Variants in TAF4B observed in about 807,000 individuals in gnomAD.
TAF4B encodes the protein transcription initiation factor TFIID subunit 4B.
In TAF4B, 38 loss-of-function variants were observed where a neutral mutation model predicts 86.4. The ratio of observed to expected loss-of-function variants is 0.44; its 90% CI spans 0.34 to 0.58. The LOEUF (loss-of-function observed/expected upper bound fraction) is 0.58, where lower values mean the gene tolerates loss of function less well. Among genes scored for constraint, TAF4B ranks in the 20% least tolerant of loss-of-function variants. The pLI is 0.02. For missense variants in TAF4B, 988 were observed against 1,027.6 expected, an observed-to-expected ratio of 0.96 and a Z score of 0.53; for synonymous variants, 388 against 391.2, an observed-to-expected ratio of 0.99 and a Z score of 0.10.
rs754509789 is a variant in TAF4B, at chr18:26,357,698, A to G, written c.2325A>G (p.Gln775=). 15 of 1,607,724 alleles carry G rather than the reference A, an allele frequency of 9.3e-6. No homozygotes were observed. The highest frequency in any genetic ancestry group is 2.7e-5 in the African/African-American group (2 of 74,746). ...TTTCTTCCGTCTTCTAGTTACAGCA[A>G]TTGGAACTTGCACAGATACAGCATA... The part of the protein sequence containing the change: ...RLKQKAKELQ[Q]LELAQIQHRD... The change falls in exon 14 of 15, where the codon CAA becomes CAG. Residue 775 remains glutamine, a synonymous_variant. Coordinates refer to ENST00000269142, the MANE Select transcript of TAF4B (RefSeq NM_005640.3).
intron 1 of TAF4B, among the ~76,000 whole-genome samples, chr18:26,238,813 C>T (rs1324665136): frequency 6.6e-6 from 1 of 152,102 alleles, no homozygotes; most frequent in African/African-American, 2.4e-5. Flanking sequence ...TTGTTCAATT[C>T]TCACCTATGA....
intron 1 of TAF4B, among the ~76,000 whole-genome samples, chr18:26,227,508 G>A (rs2055596540): frequency 6.6e-6 from 1 of 152,190 alleles, no homozygotes; most frequent in African/African-American, 2.4e-5. Context: ...AGCGTATTCG[G>A]GGGGGCTTTC....
chr18:26,319,690 A>G (rs867089929), intron 10 of TAF4B, among the ~76,000 whole-genome samples: 40 of 152,132 alleles, frequency 2.6e-4, no homozygotes, highest in Admixed American at 2.3e-3. Context: ...CCCAGGTACA[A>G]GTGATTCTCC....
intron 1 of TAF4B, among the ~76,000 whole-genome samples, chr18:26,231,414 A>G (rs1236406753): frequency 1.5e-5 from 2 of 135,944 alleles, no homozygotes; most frequent in Non-Finnish European, 3.0e-5. Flanking sequence ...GTACAGTGGC[A>G]TGATCTCAGC....
At chr18:26,360,417 C>T (rs1273524711) in intron 14 of TAF4B, among the ~76,000 whole-genome samples, 2 of 152,162 alleles carry the variant, frequency 1.3e-5, no homozygotes, top group African/African-American at 4.8e-5. Context: ...AACCCATTTT[C>T]CCTAGCCCCA....
At chr18:26,273,450 AT>A (rs1304650895) in intron 3 of TAF4B, among the ~76,000 whole-genome samples, 3 of 152,182 alleles carry the variant, frequency 2.0e-5, no homozygotes, top group South Asian at 2.1e-4. Flanking sequence ...GTTGAAAAAA[AT>A]AATAGTAAAA....
At chr18:26,290,609 T>C (rs1041869616) in intron 7 of TAF4B, among the ~76,000 whole-genome samples, 6 of 152,190 alleles carry the variant, frequency 3.9e-5, no homozygotes. Context: ...GGGATAGTTT[T>C]TGTGATTAGG....
rs771824562 is a variant in TAF4B, at chr18:26,327,093, C to G, written c.2212C>G (p.Gln738Glu). Reference protein sequence around the residue: ...FLEKLDQLEKQRKDLEEREML... With the variant: ...FLEKLDQLEKERKDLEEREML... Reference sequence around the variant, plus strand: ...TGAAAAGCTGGATCAATTGGAGAAGCAGAGAAAGGATTTGGAAGAAAGAGA... The same window carrying G: ...TGAAAAGCTGGATCAATTGGAGAAGGAGAGAAAGGATTTGGAAGAAAGAGA... Residue 738 changes from glutamine (Q) to glutamate (E), a missense_variant, in exon 12 of 15, where the codon CAG becomes GAG. Physicochemically the swap from Gln to Glu is conservative, Grantham distance 29. Transcript: ENST00000269142. 1.2e-6 allele frequency: 2 copies of G among 1,613,468 alleles called. No individual in the cohort carries two copies. Among genetic ancestry groups the G allele is most frequent in the South Asian group, 2.2e-5 (2 of 91,060 alleles).
chr18:26,291,105 T>G (rs2056587010), intron 7 of TAF4B, among the ~76,000 whole-genome samples: 1 of 152,220 alleles, frequency 6.6e-6, no homozygotes, highest in Non-Finnish European at 1.5e-5. Context: ...TTTTTTAAAG[T>G]AATACACATA....
chr18:26,298,278 G>A (rs1217337094), intron 9 of TAF4B, among the ~76,000 whole-genome samples: 1 of 151,858 alleles, frequency 6.6e-6, no homozygotes, highest in African/African-American at 2.4e-5. Flanking sequence ...TGCAAGGCTG[G>A]AGTTCAGTGG....
chr18:26,377,048 C>T (rs2057447598), intron 14 of TAF4B, among the ~76,000 whole-genome samples: 1 of 151,920 alleles, frequency 6.6e-6, no homozygotes, highest in South Asian at 2.1e-4. Flanking sequence ...TGGTGTATAG[C>T]ACTTTTTATA....
intron 13 of TAF4B, among the ~76,000 whole-genome samples, chr18:26,357,201 A>T (rs114728102): frequency 0.015 from 2,285 of 152,300 alleles, 46 homozygotes; most frequent in African/African-American, 0.052. Context: ...AGGATGATGT[A>T]TAATTTTTAT....
chr18:26,317,610 T>A (rs562518230), intron 10 of TAF4B, among the ~76,000 whole-genome samples: 70 of 152,330 alleles, frequency 4.6e-4, no homozygotes, highest in Admixed American at 1.9e-3. Context: ...ATAAATTGGA[T>A]GGCTTAAACA....
At chr18:26,366,418 T>G (rs1000093738) in intron 14 of TAF4B, 6 of 152,178 alleles carry the variant, frequency 3.9e-5, no homozygotes, top group African/African-American at 1.4e-4. Flanking sequence ...CCAGCATTCT[T>G]TAAGTTTCTC....
At chr18:26,301,986 A>G (rs2056738567) in intron 9 of TAF4B, among the ~76,000 whole-genome samples, 1 of 152,206 alleles carries the variant, frequency 6.6e-6, no homozygotes, top group Admixed American at 6.5e-5. Flanking sequence ...CTCTTCTCTC[A>G]GGGCTGTCGT....
intron 9 of TAF4B, chr18:26,295,301 G>A: frequency 3.4e-6 from 1 of 294,816 alleles, no homozygotes; most frequent in Non-Finnish European, 6.8e-6. Flanking sequence ...AAATTCCTCA[G>A]GAAAGGCTCA....
At chr18:26,259,958 T>C (rs1156378488) in intron 1 of TAF4B, among the ~76,000 whole-genome samples, 1 of 152,210 alleles carries the variant, frequency 6.6e-6, no homozygotes. Flanking sequence ...GTTTCCTGAC[T>C]TTTTAATGAT....
In TAF4B at chr18:26,226,587, G is replaced by T. The variant is rs866168501; in HGVS notation, c.-347G>T. On this transcript the variant is annotated 5_prime_UTR_variant, in exon 1 of 15. Coordinates refer to ENST00000269142, the MANE Select transcript of TAF4B (RefSeq NM_005640.3). ...CAGTTAGGCTCGAGGTGTGAGCGAC[G>T]ACCTTCCGGGAGCCGCAAGTCCAGG... 1 of 209,842 alleles carries T rather than the reference G, an allele frequency of 4.8e-6. No individual in the cohort carries two copies. Among genetic ancestry groups the T allele is most frequent in the Non-Finnish European group, 9.4e-6 (1 of 105,926 alleles). The allele number at this position is 209,842 out of a possible 1,614,324, so 13.0% of individuals were successfully genotyped here.
intron 9 of TAF4B, among the ~76,000 whole-genome samples, chr18:26,305,298 A>G (rs892894699): frequency 3.9e-5 from 6 of 152,266 alleles, no homozygotes; most frequent in African/African-American, 1.4e-4. Context: ...AGCAATAGTT[A>G]GTAAAGAGTT....
Sources: allele counts gnomAD v4.1 joint callset (sites outside exome capture counted in the v4.1 genomes callset), GRCh38; gene constraint gnomAD v4.1.1; transcripts MANE v1.5; gene names NCBI Gene and HGNC (gene_info 2026-07-23, HGNC 2026-07-21).